CDH12: variants seen among roughly 807,000 people sequenced by gnomAD.
CDH12 encodes cadherin 12, also known as cadherin-12.
CDH12 carries 41 observed loss-of-function variants against 74.1 expected under a neutral mutation model. The observed-to-expected ratio is 0.55, with a 90% confidence interval of 0.43 to 0.72. The LOEUF is 0.72. Among genes scored for constraint, CDH12 ranks in the 30% least tolerant of loss-of-function variants. The probability of loss-of-function intolerance (pLI) is 0.00; values close to 1 mark genes in which losing one functional copy is unlikely to be tolerated. For synonymous variants in CDH12, 399 were observed against 355.0 expected (o/e 1.12, Z -1.39); for missense variants, 945 against 977.2 (o/e 0.97, Z 0.44).
At chr5:22,806,539 A>C (rs957869504) in intron 1 of CDH12, among the ~76,000 whole-genome samples, 7 of 151,858 alleles carry the variant, frequency 4.6e-5, no homozygotes, top group African/African-American at 1.7e-4. Flanking sequence ...TATTTTTAGT[A>C]GAGACGGGGT....
At chr5:21,798,847 T>G (rs941331350) in intron 10 of CDH12, among the ~76,000 whole-genome samples, 1 of 152,146 alleles carries the variant, frequency 6.6e-6, no homozygotes, top group Non-Finnish European at 1.5e-5. Flanking sequence ...TAATTTGTTA[T>G]AGCAGCCTTA....
intron 1 of CDH12, among the ~76,000 whole-genome samples, chr5:22,791,709 A>G (rs1747915080): frequency 6.6e-6 from 1 of 152,182 alleles, no homozygotes; most frequent in African/African-American, 2.4e-5. Context: ...AATCATTGCA[A>G]AGGTGAAGGG....
intron 6 of CDH12, among the ~76,000 whole-genome samples, chr5:21,880,508 TCCC>T (rs1752201406): frequency 7.5e-6 from 1 of 132,706 alleles, no homozygotes; most frequent in Non-Finnish European, 1.7e-5. Context: ...CCTTCCTCCC[TCCC>T]TCCCTCTTTT....
chr5:22,037,056 A>G (rs955186386), intron 5 of CDH12, among the ~76,000 whole-genome samples: 2 of 152,238 alleles, frequency 1.3e-5, no homozygotes, highest in African/African-American at 4.8e-5. Context: ...AAAATTTTTA[A>G]AATTAGAAAA....
At chr5:21,938,273 A>C (rs1755163020) in intron 6 of CDH12, among the ~76,000 whole-genome samples, 1 of 152,072 alleles carries the variant, frequency 6.6e-6, no homozygotes, top group African/African-American at 2.4e-5. Context: ...AATCTAATTA[A>C]TTTACCTAGA....
intron 1 of CDH12, among the ~76,000 whole-genome samples, chr5:22,655,570 C>T (rs555997539): frequency 4.6e-5 from 7 of 152,280 alleles, no homozygotes; most frequent in Admixed American, 2.6e-4. Flanking sequence ...TGAAGAAGGA[C>T]CTACAATTTT....
intron 3 of CDH12, among the ~76,000 whole-genome samples, chr5:22,219,108 T>A (rs1751923643): frequency 6.6e-6 from 1 of 151,702 alleles, no homozygotes. Flanking sequence ...TATATCATTG[T>A]CCATTTGTTC....
intron 1 of CDH12, among the ~76,000 whole-genome samples, chr5:22,558,636 T>A (rs562720664): frequency 6.6e-6 from 1 of 150,540 alleles, no homozygotes; most frequent in East Asian, 2.0e-4. Context: ...CCCACAAAAA[T>A]AAACAAAGAG....
intron 1 of CDH12, among the ~76,000 whole-genome samples, chr5:22,655,560 T>G (rs1002595443): frequency 1.4e-4 from 21 of 152,246 alleles, no homozygotes; most frequent in African/African-American, 5.1e-4. Context: ...GCCTTTTCTT[T>G]GAAGAAGGAC....
intron 3 of CDH12, among the ~76,000 whole-genome samples, chr5:22,229,586 G>C (rs551250300): frequency 1.3e-5 from 2 of 152,106 alleles, no homozygotes; most frequent in East Asian, 3.9e-4. Context: ...ATTATGTATT[G>C]TAATGATGTT....
At chr5:21,900,232 T>C (rs1753322503) in intron 6 of CDH12, among the ~76,000 whole-genome samples, 1 of 152,158 alleles carries the variant, frequency 6.6e-6, no homozygotes, top group East Asian at 1.9e-4. Flanking sequence ...CAGGAAATAA[T>C]ATGTGCCTCA....
chr5:22,368,640 T>C (rs1319050837), intron 3 of CDH12, among the ~76,000 whole-genome samples: 1 of 152,152 alleles, frequency 6.6e-6, no homozygotes, highest in Non-Finnish European at 1.5e-5. Context: ...CTAAAACAAT[T>C]TGCCTTAACA....
At chr5:22,163,047 T>C (rs1748459253) in intron 4 of CDH12, among the ~76,000 whole-genome samples, 1 of 152,064 alleles carries the variant, frequency 6.6e-6, no homozygotes, top group South Asian at 2.1e-4. Context: ...CAAGCGCCCG[T>C]CACCGCGCCC....
At chr5:22,332,529 A>G (rs1458007403) in intron 3 of CDH12, among the ~76,000 whole-genome samples, 1 of 152,204 alleles carries the variant, frequency 6.6e-6, no homozygotes, top group Non-Finnish European at 1.5e-5. Context: ...TGAACAAGCC[A>G]CCTACAGAAT....
intron 1 of CDH12, among the ~76,000 whole-genome samples, chr5:22,791,075 CA>C (rs1187778804): frequency 1.3e-5 from 2 of 152,092 alleles, no homozygotes; most frequent in African/African-American, 4.8e-5. Flanking sequence ...TAATTTTAGT[CA>C]AAGAATATAA....
At chr5:22,775,792 C>T (rs956674265) in intron 1 of CDH12, among the ~76,000 whole-genome samples, 8 of 151,988 alleles carry the variant, frequency 5.3e-5, no homozygotes, top group Admixed American at 4.6e-4. Flanking sequence ...TTGACTGTGT[C>T]CCCGCCCAGC....
chr5:21,763,588 A>T (rs1744844391), intron 12 of CDH12, among the ~76,000 whole-genome samples: 1 of 152,220 alleles, frequency 6.6e-6, no homozygotes, highest in South Asian at 2.1e-4. Flanking sequence ...CAAAAACTAG[A>T]GCAAACCAAA....
intron 3 of CDH12, among the ~76,000 whole-genome samples, chr5:22,238,964 G>T (rs1435553677): frequency 4.6e-5 from 7 of 152,164 alleles, no homozygotes. Context: ...GTTAGGGAAA[G>T]AAACACATTT....
chr5:21,901,413 C>T (rs974974521), intron 6 of CDH12, among the ~76,000 whole-genome samples: 8 of 152,224 alleles, frequency 5.3e-5, no homozygotes, highest in African/African-American at 1.7e-4. Context: ...GCCATTCAAA[C>T]CCAGGTAAAT....
Sources: allele counts gnomAD v4.1 joint callset (sites outside exome capture counted in the v4.1 genomes callset), GRCh38; gene constraint gnomAD v4.1.1; transcripts MANE v1.5; gene names NCBI Gene and HGNC (gene_info 2026-07-23, HGNC 2026-07-21).